HACD3: variants seen among roughly 807,000 people sequenced by gnomAD.
The protein encoded by HACD3 is 3-hydroxyacyl-CoA dehydratase 3, also known as very-long-chain (3R)-3-hydroxyacyl-CoA dehydratase 3.
HACD3 carries 30 observed loss-of-function variants against 55.2 expected under a neutral mutation model. The ratio of observed to expected loss-of-function variants is 0.54; its 90% CI spans 0.41 to 0.74. The LOEUF (loss-of-function observed/expected upper bound fraction) is 0.74. Ranked by LOEUF, HACD3 falls within the 30% of genes least tolerant of loss-of-function variation. HACD3 has a pLI of 0.00. For synonymous variants in HACD3, 141 were observed against 151.7 expected, an observed-to-expected ratio of 0.93 and a Z score of 0.52; for missense variants, 363 against 440.1, an observed-to-expected ratio of 0.82 and a Z score of 1.57.
At position 65,576,663 on chromosome 15, in the gene HACD3, A is replaced by G; in HGVS notation, c.*284A>G. 2.6e-6 allele frequency: 1 copy of G among 382,778 alleles called. No individual in the cohort carries two copies. The highest frequency in any genetic ancestry group is 4.7e-6 in the Non-Finnish European group (1 of 214,156). 23.7% of individuals were successfully genotyped at this position (382,778 alleles called of 1,614,324 possible). On this transcript the variant is annotated 3_prime_UTR_variant, in exon 11 of 11. Transcript: ENST00000261875. ...ACCCTATCTCATGTTCAGTCTGTCTAATACATGCCAGAGATTTTTTTTTCA... is the reference window on the plus strand; with the variant it reads ...ACCCTATCTCATGTTCAGTCTGTCTGATACATGCCAGAGATTTTTTTTTCA...
At chr15:65,542,948 C>T (rs1389188297) in intron 1 of HACD3, among the ~76,000 whole-genome samples, 1 of 151,912 alleles carries the variant, frequency 6.6e-6, no homozygotes, top group East Asian at 1.9e-4. Context: ...ATGGCATGTG[C>T]CTGTAATCCC....
chr15:65,535,878 T>G (rs1453232331), intron 1 of HACD3: 1 of 564,568 alleles, frequency 1.8e-6, no homozygotes, highest in African/African-American at 1.9e-5. Context: ...TTTTTAGAGG[T>G]GGGGTCTCAT....
At chr15:65,571,785 T>C (rs1459170637) in intron 9 of HACD3, 131 bp downstream of exon 9, 1 of 717,524 alleles carries the variant, frequency 1.4e-6, no homozygotes, top group Non-Finnish European at 2.3e-6. Flanking sequence ...TTTCTTTCCA[T>C]GGGCTTCCTT....
At position 65,577,048 on chromosome 15, in the gene HACD3, C is replaced by T. The variant is rs2141229792; in HGVS notation, c.*669C>T. On this transcript the variant is annotated 3_prime_UTR_variant, in exon 11 of 11. Coordinates refer to ENST00000261875, the MANE Select transcript of HACD3 (RefSeq NM_016395.4). ...GAAACTAATCAGAATCTTGGAACATCATGATCATGCCATTCTTAAGTAAAT... is the reference window on the plus strand; with the variant it reads ...GAAACTAATCAGAATCTTGGAACATTATGATCATGCCATTCTTAAGTAAAT... 1 of 152,296 alleles carries T rather than the reference C, an allele frequency of 6.6e-6. No individual in the cohort carries two copies. The highest frequency in any genetic ancestry group is 1.5e-5 in the Non-Finnish European group (1 of 68,032). The allele number at this position is 152,296 out of a possible 1,614,324, so 9.4% of individuals were successfully genotyped here. A position where few individuals can be genotyped will look rare whatever the true frequency, so the allele number is the denominator to read the frequency against.
At chr15:65,540,056 A>G (rs577682993) in intron 1 of HACD3, among the ~76,000 whole-genome samples, 35 of 152,252 alleles carry the variant, frequency 2.3e-4, no homozygotes, top group African/African-American at 8.2e-4. Context: ...TTTCTGTTTT[A>G]TTTCTTTTTT....
intron 5 of HACD3, among the ~76,000 whole-genome samples, chr15:65,559,747 A>G (rs370967100): frequency 3.9e-5 from 6 of 152,150 alleles, no homozygotes; most frequent in Admixed American, 3.3e-4. Context: ...CGAGGAGGGG[A>G]GAGGTTCAGT....
At chr15:65,553,209 T>A (rs974558606) in intron 2 of HACD3, 3 of 152,198 alleles carry the variant, frequency 2.0e-5, no homozygotes, top group East Asian at 1.9e-4. Flanking sequence ...TTTAAACATT[T>A]AAAAAAATAA....
At chr15:65,555,704 G>C (rs981712996) in intron 3 of HACD3, among the ~76,000 whole-genome samples, 23 of 152,170 alleles carry the variant, frequency 1.5e-4, no homozygotes, top group Non-Finnish European at 3.2e-4. Context: ...GAGCTGGAAT[G>C]GCCTATAAGA....
intron 5 of HACD3, among the ~76,000 whole-genome samples, chr15:65,560,486 C>G (rs1329702829): frequency 6.6e-6 from 1 of 152,148 alleles, no homozygotes; most frequent in Admixed American, 6.5e-5. Context: ...GTTATGTCCT[C>G]AGTCTGCCCA....
At chr15:65,544,788 G>A (rs1245880928) in intron 1 of HACD3, among the ~76,000 whole-genome samples, 7 of 152,128 alleles carry the variant, frequency 4.6e-5, no homozygotes, top group Non-Finnish European at 1.0e-4. Context: ...TTGGGAGTCC[G>A]AGGCCAGCAG....
In HACD3 at chr15:65,562,858, CTG is replaced by C; in HGVS notation, c.509_510del (p.Val170AlafsTer12). 6.2e-7 allele frequency: 1 copy of C among 1,613,898 alleles called. No individual in the cohort carries two copies. The highest frequency in any genetic ancestry group is 8.5e-7 in the Non-Finnish European group (1 of 1,179,884). Reference sequence around the variant, plus strand: ...TTCTCCTGGATCTTTGTCAACCTGACTGTGCGATTCTGTATCTTGGGAAAAGG... The same window carrying C: ...TTCTCCTGGATCTTTGTCAACCTGACTGCGATTCTGTATCTTGGGAAAAGG... On this transcript the variant is annotated frameshift_variant, in exon 6 of 11. Transcript: ENST00000261875. LOFTEE classifies it high-confidence loss of function.
intron 1 of HACD3, among the ~76,000 whole-genome samples, chr15:65,531,691 GAGT>G (rs2071902213): frequency 6.6e-6 from 1 of 151,952 alleles, no homozygotes; most frequent in Non-Finnish European, 1.5e-5. Context: ...TCAGCCTCCC[GAGT>G]AGCTGGGATT....
chr15:65,553,445 C>T (rs1434048251), intron 2 of HACD3, among the ~76,000 whole-genome samples: 1 of 152,160 alleles, frequency 6.6e-6, no homozygotes, highest in Non-Finnish European at 1.5e-5. Flanking sequence ...GGTGGGATTT[C>T]CATTCACTGT....
At chr15:65,555,902 T>C (rs193144230) in intron 3 of HACD3, among the ~76,000 whole-genome samples, 1 of 152,292 alleles carries the variant, frequency 6.6e-6, no homozygotes, top group African/African-American at 2.4e-5. Context: ...GAGAGGGTGA[T>C]TGGACATAGT....
chr15:65,551,638 T>C (rs762832169), intron 1 of HACD3, 38 bp from the exon 2 acceptor site: 1 of 1,612,780 alleles, frequency 6.2e-7, no homozygotes, highest in Admixed American at 1.7e-5. Context: ...TTTCTCTTCA[T>C]TAAAATGCCT....
intron 10 of HACD3, among the ~76,000 whole-genome samples, chr15:65,573,997 A>G (rs191540682): frequency 6.4e-4 from 98 of 152,310 alleles, no homozygotes; most frequent in African/African-American, 2.2e-3. Context: ...TTATTTCACA[A>G]AAGACTTAAG....
chr15:65,538,089 T>C (rs771279567), intron 1 of HACD3, among the ~76,000 whole-genome samples: 19 of 151,432 alleles, frequency 1.3e-4, no homozygotes, highest in Middle Eastern at 3.4e-3. Flanking sequence ...AGATTAATGT[T>C]GTTTTCATGC....
intron 10 of HACD3, among the ~76,000 whole-genome samples, chr15:65,572,769 G>A (rs2072360391): frequency 1.3e-5 from 2 of 151,862 alleles, no homozygotes; most frequent in Admixed American, 6.6e-5. Flanking sequence ...ACAAAAATTA[G>A]TTGGGTGTGG....
intron 3 of HACD3, among the ~76,000 whole-genome samples, chr15:65,555,692 A>G (rs568417444): frequency 8.5e-5 from 13 of 152,306 alleles, no homozygotes; most frequent in African/African-American, 3.1e-4. Context: ...TAGACAAACA[A>G]TGAGCTGGAA....
Sources: allele counts gnomAD v4.1 joint callset (sites outside exome capture counted in the v4.1 genomes callset), GRCh38; gene constraint gnomAD v4.1.1; transcripts MANE v1.5; gene names NCBI Gene and HGNC (gene_info 2026-07-23, HGNC 2026-07-21).